The following NCCRP1 variants were observed in gnomAD, a reference collection of about 807,000 sequenced individuals.
NCCRP1 encodes NCCRP1, F-box associated domain containing.
A neutral mutation model predicts 34.4 loss-of-function variants in NCCRP1; 32 were observed. The ratio of observed to expected loss-of-function variants is 0.93; its 90% CI spans 0.70 to 1.25. NCCRP1 has a LOEUF of 1.25. Among genes scored for constraint, NCCRP1 ranks in the 50% most tolerant of loss-of-function variants. The probability of loss-of-function intolerance (pLI) is 0.00; values close to 1 mark genes in which losing one functional copy is unlikely to be tolerated. For missense variants in NCCRP1, 372 were observed against 391.8 expected (o/e 0.95, Z 0.43); for synonymous variants, 172 against 180.1 (o/e 0.95, Z 0.36).
In NCCRP1 at chr19:39,197,187, G is replaced by T. The variant is rs1600432278; in HGVS notation, c.205G>T (p.Ala69Ser). 3.5e-6 allele frequency: 5 copies of T among 1,427,198 alleles called. No homozygotes were observed. The highest frequency in any genetic ancestry group is 5.8e-5 in the East Asian group (2 of 34,378). The allele number at this position is 1,427,198 out of a possible 1,614,324, so 88.4% of individuals were successfully genotyped here. The change falls in exon 1 of 6, where the codon GCC becomes TCC. Residue 69 changes from alanine to serine, a missense_variant. Physicochemically the swap from Ala to Ser is moderately conservative, Grantham distance 99. Transcript: ENST00000339852. ...GCCGGCGCAGCCGTCCGAGGCTCAC[G>T]CCCGGCAGCTGCTGCTGGAGGAGTG... ...PEPAQPSEAH[A>S]RQLLLEEWGP...
intron 4 of NCCRP1, among the ~76,000 whole-genome samples, chr19:39,199,705 G>C (rs1333215480): frequency 2.0e-5 from 3 of 151,544 alleles, no homozygotes; most frequent in Non-Finnish European, 4.4e-5. Context: ...TAGCGATGGG[G>C]TTTCACCATG....
intron 4 of NCCRP1, 134 bp downstream of exon 4, chr19:39,199,399 C>T (rs1289051829): frequency 1.1e-5 from 8 of 711,532 alleles, no homozygotes; most frequent in South Asian, 1.8e-5. Context: ...CTGCCCTGCC[C>T]ACCTCCCTGG....
At chr19:39,199,373 C>A in intron 4 of NCCRP1, 108 bp downstream of exon 4, 1 of 968,028 alleles carries the variant, frequency 1.0e-6, no homozygotes, top group South Asian at 1.5e-5. Context: ...CAAGACCCTC[C>A]TGGTGCTACA....
intron 4 of NCCRP1, among the ~76,000 whole-genome samples, chr19:39,199,733 G>A (rs1453517048): frequency 6.6e-6 from 1 of 151,698 alleles, no homozygotes; most frequent in East Asian, 1.9e-4. Context: ...GGCTGGTCTC[G>A]AACTCCTGAC....
Position 39,199,238 on chromosome 19 carries a change from A to C in NCCRP1, c.521A>C (p.Glu174Ala), listed in dbSNP as rs1160860933. 1 of 1,613,842 alleles carries C rather than the reference A, an allele frequency of 6.2e-7. No individual in the cohort carries two copies. The highest frequency in any genetic ancestry group is 8.5e-7 in the Non-Finnish European group (1 of 1,179,994). ...CTGTGGGAGGAGCTGCTGGATGACG[A>C]ACAACCAGCCATTACGGTCATGGAC... ...EGLWEELLDD[E>A]QPAITVMDWF... The change falls in exon 4 of 6, where the codon GAA becomes GCA. Residue 174 changes from glutamate to alanine, a missense_variant. Coordinates refer to ENST00000339852, the MANE Select transcript of NCCRP1 (RefSeq NM_001001414.2).
chr19:39,199,057 C>A, intron 3 of NCCRP1, 113 bp from the exon 4 acceptor site: 2 of 888,476 alleles, frequency 2.3e-6, no homozygotes, highest in Non-Finnish European at 3.6e-6. Flanking sequence ...GCTGAGGGAG[C>A]ACCCCACGTG....
chr19:39,199,949 C>G (rs2074780797), intron 4 of NCCRP1, among the ~76,000 whole-genome samples: 1 of 152,128 alleles, frequency 6.6e-6, no homozygotes, highest in Non-Finnish European at 1.5e-5. Flanking sequence ...TGCATTTTCT[C>G]CAGTGCCCTG....
chr19:39,197,679 C>T (rs1600432661), intron 1 of NCCRP1, among the ~76,000 whole-genome samples: 2 of 152,128 alleles, frequency 1.3e-5, no homozygotes, highest in East Asian at 1.9e-4. Context: ...CAGGCTCAGG[C>T]AATTCTCCTG....
chr19:39,199,360 C>T, intron 4 of NCCRP1, 95 bp downstream of exon 4: 1 of 1,090,380 alleles, frequency 9.2e-7, no homozygotes, highest in Non-Finnish European at 1.4e-6. Flanking sequence ...TTCAGCCCTT[C>T]ACCAAGACCC....
At position 39,200,900 on chromosome 19, in the gene NCCRP1, A is replaced by C; in HGVS notation, c.*144A>C. The C allele has an allele frequency of 9.7e-7, 1 of 1,032,874 alleles. No individual in the cohort carries two copies. Among genetic ancestry groups the C allele is most frequent in the Non-Finnish European group, 1.4e-6 (1 of 719,510 alleles). 64.0% of individuals were successfully genotyped at this position (1,032,874 alleles called of 1,614,324 possible). The stretch of plus-strand genomic sequence containing the variant: ...AGCTTCACACACCCTTAAGCGGTGG[A>C]CTCCAGCATTTTCCCAGCACTGTCT... On this transcript the variant is annotated 3_prime_UTR_variant, in exon 6 of 6. Coordinates refer to ENST00000339852, the MANE Select transcript of NCCRP1 (RefSeq NM_001001414.2). This position sits in a 1 kb window ranked among gnomAD's most constrained non-coding sequence, Gnocchi z 5.8.
In NCCRP1 at chr19:39,198,076, C is replaced by G; in HGVS notation, c.361C>G (p.Pro121Ala). 6.2e-7 allele frequency: 1 copy of G among 1,614,066 alleles called. No homozygotes were observed. Among genetic ancestry groups the G allele is most frequent in the East Asian group, 2.2e-5 (1 of 44,884 alleles). ...PEGINIYEPAPPTGPTQRPLE... is the reference protein window; with the variant it reads ...PEGINIYEPAAPTGPTQRPLE... The stretch of plus-strand genomic sequence containing the variant: ...AGGCATCAACATTTATGAGCCAGCA[C>G]CCCCTACTGGTCCCACCCAGCGACC... The change falls in exon 2 of 6, where the codon CCC becomes GCC. Residue 121 changes from proline (P) to alanine (A), a missense_variant. Transcript: ENST00000339852.
At position 39,199,487 on chromosome 19, in the gene NCCRP1, C is replaced by CT. The variant is rs916155239; in HGVS notation, c.548+232dup. On this transcript the variant is annotated intron_variant, in intron 4 of 5. Transcript: ENST00000339852. ...GCTGATCTTTATTTCTTTTTCTTTTCTTTTTTTTTTCTTTTTTCTTTCTTT... is the reference window on the plus strand; with the variant it reads ...GCTGATCTTTATTTCTTTTTCTTTTCTTTTTTTTTTTCTTTTTTCTTTCTTT... 1.5e-3 allele frequency among the ~76,000 whole-genome samples: 89 copies of CT among 60,908 alleles called. 1 individual carries two copies. The highest frequency in any genetic ancestry group is 2.8e-3 in the African/African-American group (64 of 23,120). The allele number at this position is 60,908 out of a possible 152,430, so 40.0% of individuals were successfully genotyped here. A position where few individuals can be genotyped will look rare whatever the true frequency, so the allele number is the denominator to read the frequency against.
At position 39,200,505 on chromosome 19, in the gene NCCRP1, G is replaced by T; in HGVS notation, c.687+21G>T. On this transcript the variant is annotated intron_variant, in intron 5 of 5. Transcript: ENST00000339852. This position sits in a 1 kb window ranked among gnomAD's most constrained non-coding sequence, Gnocchi z 5.8. ...TCCAGGTGAGACTCTCCGCGCCGGG[G>T]CCCTCAACCCCAGACGTGTGTTCTT... 6.2e-7 allele frequency: 1 copy of T among 1,611,682 alleles called. No homozygotes were observed. The highest frequency in any genetic ancestry group is 8.5e-7 in the Non-Finnish European group (1 of 1,179,376).
At position 39,196,977 on chromosome 19, in the gene NCCRP1, C is replaced by G. The variant is rs1007016097; in HGVS notation, c.-6C>G. ...TGAAACCGGGACAGTCGCGCAGCCT[C>G]GAGGGATGGAGGAGGTGCGTGAGGG... On this transcript the variant is annotated 5_prime_UTR_variant, in exon 1 of 6. Coordinates refer to ENST00000339852, the MANE Select transcript of NCCRP1 (RefSeq NM_001001414.2). The G allele has an allele frequency of 2.0e-6, 3 of 1,533,550 alleles. No individual in the cohort carries two copies. The highest frequency in any genetic ancestry group is 1.7e-6 in the Non-Finnish European group (2 of 1,147,212). 95.0% of individuals were successfully genotyped at this position (1,533,550 alleles called of 1,614,324 possible). A position where few individuals can be genotyped will look rare whatever the true frequency, so the allele number is the denominator to read the frequency against.
At position 39,200,075 on chromosome 19, in the gene NCCRP1, C is replaced by T. The variant is rs2074781314; in HGVS notation, c.549-271C>T. On this transcript the variant is annotated intron_variant, in intron 4 of 5. Coordinates refer to ENST00000339852, the MANE Select transcript of NCCRP1 (RefSeq NM_001001414.2). The surrounding 1 kb of genome is among the most constrained non-coding windows in gnomAD (Gnocchi z 5.8). ...CTCTGCCTGGGTCCCCCCATCCTGGCCCTGACCCCTCTGCCCGTGCTCCCC... is the reference window on the plus strand; with the variant it reads ...CTCTGCCTGGGTCCCCCCATCCTGGTCCTGACCCCTCTGCCCGTGCTCCCC... 6.6e-6 allele frequency among the ~76,000 whole-genome samples: 1 copy of T among 152,096 alleles called. No individual in the cohort carries two copies. The highest frequency in any genetic ancestry group is 1.5e-5 in the Non-Finnish European group (1 of 67,998).
chr19:39,200,297 G>A lies in NCCRP1; in HGVS notation c.549-49G>A, dbSNP rs2074782152. 6.2e-7 allele frequency: 1 copy of A among 1,604,354 alleles called. No individual in the cohort carries two copies. Among genetic ancestry groups the A allele is most frequent in the South Asian group, 1.1e-5 (1 of 90,018 alleles). On this transcript the variant is annotated intron_variant, in intron 4 of 5. Coordinates refer to ENST00000339852, the MANE Select transcript of NCCRP1 (RefSeq NM_001001414.2). The surrounding 1 kb of genome is among the most constrained non-coding windows in gnomAD (Gnocchi z 5.8). Reference sequence around the variant, plus strand: ...GGGAATGGGGCCAGGGGCTGGGGCTGGGTAGCTGAGACTGCAGTGACAGCT... The same window carrying A: ...GGGAATGGGGCCAGGGGCTGGGGCTAGGTAGCTGAGACTGCAGTGACAGCT...
chr19:39,197,159 C>T lies in NCCRP1; in HGVS notation c.177C>T (p.Pro59=), dbSNP rs1051292839. ...CAGCCCCGGAGGCCCCCGAGCTCCC[C>T]GAGCCGGCGCAGCCGTCCGAGGCTC... The part of the protein sequence containing the change: ...SPAAPEAPEL[P]EPAQPSEAHA... Residue 59 remains proline, a synonymous_variant, in exon 1 of 6, where the codon CCC becomes CCT. Coordinates refer to ENST00000339852, the MANE Select transcript of NCCRP1 (RefSeq NM_001001414.2). 1.0e-5 allele frequency: 15 copies of T among 1,450,342 alleles called. No homozygotes were observed. Among genetic ancestry groups the T allele is most frequent in the South Asian group, 5.7e-5 (4 of 70,558 alleles). The allele number at this position is 1,450,342 out of a possible 1,614,324, so 89.8% of individuals were successfully genotyped here.
chr19:39,197,113 C>T lies in NCCRP1; in HGVS notation c.131C>T (p.Pro44Leu). ...PPPSPPPLPS[P>L]PSLPSPAAPE... ...CCGTCGCCGCCACCACTGCCCTCGC[C>T]GCCGTCGCTGCCATCGCCCGCAGCC... Residue 44 changes from proline (P) to leucine (L), a missense_variant, in exon 1 of 6, where the codon CCG (proline) becomes CTG (leucine). Pro to Leu is a moderately conservative substitution (Grantham distance 98). Transcript: ENST00000339852. The T allele has an allele frequency of 6.6e-7, 1 of 1,521,188 alleles. No individual in the cohort carries two copies. The highest frequency in any genetic ancestry group is 8.8e-7 in the Non-Finnish European group (1 of 1,141,416). The allele number at this position is 1,521,188 out of a possible 1,614,324, so 94.2% of individuals were successfully genotyped here. A position where few individuals can be genotyped will look rare whatever the true frequency, so the allele number is the denominator to read the frequency against.
rs2074775045 is a variant in NCCRP1 at position 39,199,023 on chromosome 19, C to A, written c.453-147C>A. On this transcript the variant is annotated intron_variant, in intron 3 of 5. Coordinates refer to ENST00000339852, the MANE Select transcript of NCCRP1 (RefSeq NM_001001414.2). ...CAGGATGCATTGCCCTCAGAGGGGC[C>A]CGTGGGAACTGAGAGTGGAAGGTGC... 8 of 669,768 alleles carry A rather than the reference C, an allele frequency of 1.2e-5. No individual in the cohort carries two copies. The South Asian group carries it at 1.4e-4, about 12-fold the overall frequency. The allele number at this position is 669,768 out of a possible 1,614,324, so 41.5% of individuals were successfully genotyped here. A position where few individuals can be genotyped will look rare whatever the true frequency, so the allele number is the denominator to read the frequency against.
Sources: gnomAD v4.1 joint callset for allele counts (sites outside exome capture counted in the v4.1 genomes callset) on GRCh38, gnomAD v4.1.1 for gene constraint, Gnocchi (gnomAD v3.1) non-coding constraint, MANE v1.5 for transcripts, NCBI Gene and HGNC (gene_info 2026-07-23, HGNC 2026-07-21) for gene names.